Variants in VPS13A observed in about 807,000 individuals in gnomAD.
VPS13A encodes the protein intermembrane lipid transfer protein VPS13A.
A neutral mutation model predicts 390.9 loss-of-function variants in VPS13A; 264 were observed. The ratio of observed to expected loss-of-function variants is 0.68; its 90% CI spans 0.61 to 0.75. The LOEUF is 0.75. VPS13A is among the 30% of genes least tolerant of loss of function. The probability of loss-of-function intolerance (pLI) is 0.00; values close to 1 mark genes in which losing one functional copy is unlikely to be tolerated. For synonymous variants in VPS13A, 1,231 were observed against 1,227.1 expected (o/e 1.00, Z -0.07); for missense variants, 3,409 against 3,733.9 (o/e 0.91, Z 2.27).
At chr9:77,219,882 A>G in intron 10 of VPS13A, 72 bp from the exon 11 acceptor site, 1 of 1,511,080 alleles carries the variant, frequency 6.6e-7, no homozygotes, top group Non-Finnish European at 9.2e-7. Flanking sequence ...AGTGTTTTCA[A>G]CTTCATCACT....
rs747803033 is a variant in VPS13A, at chr9:77,405,866, G to A, written c.9278G>A (p.Gly3093Asp). Residue 3093 changes from glycine (G) to aspartate (D), a missense_variant and splice_region_variant, in exon 70 of 72, where the codon GGT (glycine) becomes GAT (aspartate). Transcript: ENST00000360280. ...KTDMLMITRR[G>D]VLFVTKGTFG... Reference sequence around the variant, plus strand: ...TTTTTTTGTTTTTCTTTTTGCAGTGGTGTATTGTTTGTAACAAAGGGAACA... The same window carrying A: ...TTTTTTTGTTTTTCTTTTTGCAGTGATGTATTGTTTGTAACAAAGGGAACA... The A allele has an allele frequency of 1.9e-6, 3 of 1,613,428 alleles. No homozygotes were observed. The South Asian group carries it at 3.3e-5, about 18-fold the overall frequency.
At chr9:77,269,610 A>T (rs1826237240) in intron 23 of VPS13A, among the ~76,000 whole-genome samples, 1 of 152,230 alleles carries the variant, frequency 6.6e-6, no homozygotes, top group Non-Finnish European at 1.5e-5. Flanking sequence ...TGGGAGAATT[A>T]ACATTTTAGC....
Position 77,206,346 on chromosome 9 carries a change from C to T in VPS13A, c.385+267C>T, listed in dbSNP as rs7044740. Among the ~76,000 whole-genome samples the T allele has an allele frequency of 0.94, 136,856 of 144,920 alleles. 64,551 individuals are homozygous for T. The highest frequency in any genetic ancestry group is 0.97 in the East Asian group (4,791 of 4,936). On this transcript the variant is annotated intron_variant, in intron 5 of 71. Coordinates refer to ENST00000360280, the MANE Select transcript of VPS13A (RefSeq NM_033305.3). The stretch of plus-strand genomic sequence containing the variant: ...CATATTTTTTATATATATATATATA[C>T]ACACACACACATATACATACTAGGT...
rs146639699 is a variant in VPS13A at position 77,259,952 on chromosome 9, C to T, written c.2289-134C>T. 7.6e-4 allele frequency: 510 copies of T among 673,552 alleles called. 5 individuals are homozygous for T. The East Asian group carries it at 9.6e-3, about 13-fold the overall frequency. 41.7% of individuals were successfully genotyped at this position (673,552 alleles called of 1,614,324 possible). A position where few individuals can be genotyped will look rare whatever the true frequency, so the allele number is the denominator to read the frequency against. Reference sequence around the variant, plus strand: ...AATGAAACTGGTTAATACGGTAAGACGGAAATTGGAATAGAGATTTTTAGT... The same window carrying T: ...AATGAAACTGGTTAATACGGTAAGATGGAAATTGGAATAGAGATTTTTAGT... On this transcript the variant is annotated intron_variant, in intron 22 of 71. Coordinates refer to ENST00000360280, the MANE Select transcript of VPS13A (RefSeq NM_033305.3).
intron 7 of VPS13A, 143 bp downstream of exon 7, chr9:77,210,818 G>C (rs1825941172): frequency 1.3e-6 from 1 of 795,782 alleles, no homozygotes; most frequent in Non-Finnish European, 2.1e-6. Context: ...TTGGAATCGA[G>C]GGTATGTAGA....
At chr9:77,336,576 C>T (rs1191144178) in intron 46 of VPS13A, among the ~76,000 whole-genome samples, 4 of 151,868 alleles carry the variant, frequency 2.6e-5, no homozygotes, top group Non-Finnish European at 4.4e-5. Flanking sequence ...TCCTTTTAGG[C>T]CCATGTATCC....
At position 77,295,522 on chromosome 9, in the gene VPS13A, A is replaced by G. The variant is rs1215565387; in HGVS notation, c.3508-20A>G. Reference sequence around the variant, plus strand: ...CGTATTTATTAATAACCTTAAGAATATAATTCTGTTATCTTACAGGCTTTT... The same window carrying G: ...CGTATTTATTAATAACCTTAAGAATGTAATTCTGTTATCTTACAGGCTTTT... On this transcript the variant is annotated intron_variant, in intron 32 of 71. Transcript: ENST00000360280. 2 of 1,580,450 alleles carry G rather than the reference A, an allele frequency of 1.3e-6. No individual in the cohort carries two copies. The highest frequency in any genetic ancestry group is 1.8e-5 in the Admixed American group (1 of 56,714).
intron 45 of VPS13A, among the ~76,000 whole-genome samples, chr9:77,331,717 A>G (rs529846600): frequency 4.0e-4 from 61 of 152,136 alleles, no homozygotes; most frequent in African/African-American, 1.4e-3. Context: ...TATCTAAACA[A>G]AAACTTATCT....
chr9:77,252,095 C>T (rs1245979314), intron 21 of VPS13A, 140 bp from the exon 22 acceptor site: 4 of 727,274 alleles, frequency 5.5e-6, no homozygotes, highest in African/African-American at 3.5e-5. Context: ...ATTGTATGTA[C>T]CTGAGAATGT....
chr9:77,215,964 A>G (rs952946215), intron 10 of VPS13A, among the ~76,000 whole-genome samples: 3 of 152,198 alleles, frequency 2.0e-5, no homozygotes, highest in African/African-American at 7.2e-5. Flanking sequence ...TGTACTGCAT[A>G]AGGCCGGTGC....
At chr9:77,217,912 T>A (rs1822955048) in intron 10 of VPS13A, among the ~76,000 whole-genome samples, 2 of 152,032 alleles carry the variant, frequency 1.3e-5, no homozygotes, top group African/African-American at 4.8e-5. Context: ...ACAGAGGTTG[T>A]ACTGATTTAC....
chr9:77,293,957 G>A (rs1827826245), intron 32 of VPS13A, among the ~76,000 whole-genome samples: 1 of 152,174 alleles, frequency 6.6e-6, no homozygotes, highest in South Asian at 2.1e-4. Context: ...AGGCTGGAGT[G>A]TAGTGGCATG....
chr9:77,319,401 C>T lies in VPS13A; in HGVS notation c.5314-171C>T, dbSNP rs563212813. On this transcript the variant is annotated intron_variant, in intron 41 of 71. Coordinates refer to ENST00000360280, the MANE Select transcript of VPS13A (RefSeq NM_033305.3). ...TTTATCTGGACTAAATTGTGAAGAG[C>T]GAATATGTACTATGAAGTTAGCCAG... is the stretch of plus-strand genomic sequence containing the variant. Among the ~76,000 whole-genome samples, 4 of 151,684 alleles carry T rather than the reference C, an allele frequency of 2.6e-5. 1 individual carries two copies. In the South Asian group the frequency reaches 8.3e-4, roughly 32 times the overall value.
rs1226988405 is a variant in VPS13A, at chr9:77,250,160, A to G, written c.2101A>G (p.Ile701Val). The part of the protein sequence containing the change: ...VKQGEANLKE[I>V]MDRAYDSFDI... ...ACAAGGTGAGGCCAATCTTAAAGAG[A>G]TAATGGATAGAGCTTATGATTCATT... Residue 701 changes from isoleucine to valine, a missense_variant, in exon 21 of 72, where the codon ATA becomes GTA. Ile to Val is a conservative substitution (Grantham distance 29). Coordinates refer to ENST00000360280, the MANE Select transcript of VPS13A (RefSeq NM_033305.3). 2 of 1,613,826 alleles carry G rather than the reference A, an allele frequency of 1.2e-6. No homozygotes were observed. Among genetic ancestry groups the G allele is most frequent in the Non-Finnish European group, 1.7e-6 (2 of 1,179,942 alleles).
intron 53 of VPS13A, among the ~76,000 whole-genome samples, 189 bp from the exon 54 acceptor site, chr9:77,353,217 TAAC>T (rs1416764952): frequency 5.3e-5 from 8 of 152,158 alleles, no homozygotes; most frequent in African/African-American, 1.9e-4. Flanking sequence ...TTATAACAGA[TAAC>T]ATCAAATGAT....
rs1156318967 is a variant in VPS13A, at chr9:77,416,129, A to AAAACAAAAAC, written c.*133_*142dup. On this transcript the variant is annotated 3_prime_UTR_variant, in exon 72 of 72. Coordinates refer to ENST00000360280, the MANE Select transcript of VPS13A (RefSeq NM_033305.3). ...AAGTACCCTGTATTCTGGATGCTAA[A>AAAACAAAAAC]AAACAAAAACAAACAAAAAAACAAA... 8.6e-7 allele frequency: 1 copy of AAAACAAAAAC among 1,162,386 alleles called. No homozygotes were observed. The highest frequency in any genetic ancestry group is 1.6e-5 in the African/African-American group (1 of 64,066). The allele number at this position is 1,162,386 out of a possible 1,614,324, so 72.0% of individuals were successfully genotyped here. A position where few individuals can be genotyped will look rare whatever the true frequency, so the allele number is the denominator to read the frequency against.
At position 77,252,361 on chromosome 9, in the gene VPS13A, T is replaced by G; in HGVS notation, c.2288+9T>G. On this transcript the variant is annotated intron_variant, in intron 22 of 71. Transcript: ENST00000360280. ...GATGTAAGGATGCCCAAGTATGTAC[T>G]GTTTGTTTCATGTGAATATGGATTT... 1 of 1,596,960 alleles carries G rather than the reference T, an allele frequency of 6.3e-7. No homozygotes were observed. Among genetic ancestry groups the G allele is most frequent in the Non-Finnish European group, 8.6e-7 (1 of 1,164,450 alleles).
chr9:77,240,019 A>T (rs946042397), intron 19 of VPS13A, among the ~76,000 whole-genome samples: 1 of 151,562 alleles, frequency 6.6e-6, no homozygotes, highest in African/African-American at 2.4e-5. Context: ...AAAATACTTT[A>T]TTGTACTGTA....
At chr9:77,337,691 A>T in intron 47 of VPS13A, 154 bp downstream of exon 47, 1 of 713,094 alleles carries the variant, frequency 1.4e-6, no homozygotes, top group South Asian at 2.4e-5. Context: ...AACAAGTATG[A>T]GAATTATTAT....
Sources: gnomAD v4.1 joint callset for allele counts (sites outside exome capture counted in the v4.1 genomes callset) on GRCh38, gnomAD v4.1.1 for gene constraint, MANE v1.5 for transcripts, NCBI Gene and HGNC (gene_info 2026-07-23, HGNC 2026-07-21) for gene names.